The following SAMD8 variants were observed in gnomAD, a reference collection of about 807,000 sequenced individuals.
The protein encoded by SAMD8 is sphingomyelin synthase-related protein 1.
In SAMD8, 20 loss-of-function variants were observed where a neutral mutation model predicts 42.0. The observed-to-expected ratio is 0.48, with a 90% CI of 0.34 to 0.69. The LOEUF (loss-of-function observed/expected upper bound fraction) is 0.69. Among genes scored for constraint, SAMD8 ranks in the 30% least tolerant of loss-of-function variants. SAMD8 has a pLI of 0.01. For synonymous variants in SAMD8, 162 were observed against 173.0 expected (o/e 0.94, Z 0.50); for missense variants, 328 against 511.6 (o/e 0.64, Z 3.46).
At chr10:75,161,170 A>T (rs534299716) in intron 2 of SAMD8, among the ~76,000 whole-genome samples, 15 of 152,298 alleles carry the variant, frequency 9.8e-5, no homozygotes, top group African/African-American at 3.6e-4. Context: ...TGACTTAGGG[A>T]TACCGTGTCC....
intron 4 of SAMD8, among the ~76,000 whole-genome samples, chr10:75,173,707 C>T (rs1217723801): frequency 2.0e-5 from 3 of 152,138 alleles, no homozygotes; most frequent in Non-Finnish European, 4.4e-5. Context: ...AATTCTTCTT[C>T]CTTTCTTTCC....
At chr10:75,105,895 C>A (rs1417754761) in intron 1 of SAMD8, 1 of 1,540,668 alleles carries the variant, frequency 6.5e-7, no homozygotes, top group Non-Finnish European at 8.8e-7. Context: ...GGTGAAAAAC[C>A]CTGTCCCACA....
chr10:75,125,634 T>C (rs958976550), intron 1 of SAMD8: 1 of 151,826 alleles, frequency 6.6e-6, no homozygotes, highest in East Asian at 1.9e-4. Context: ...GAAAAAAAAA[T>C]AAAGTTCATT....
At position 75,150,559 on chromosome 10, in the gene SAMD8, C is replaced by T. The variant is rs770761922; in HGVS notation, c.31C>T (p.Arg11Cys). The change falls in exon 2 of 6, where the codon CGC becomes TGC. Residue 11 changes from arginine to cysteine, a missense_variant. Physicochemically the swap from Arg to Cys is radical, Grantham distance 180. Coordinates refer to ENST00000542569, the MANE Select transcript of SAMD8 (RefSeq NM_001174156.2). MAGPNQLCIRRWTTKHVAVWL... is the reference protein window; with the variant it reads MAGPNQLCIRCWTTKHVAVWL... ...AGGTCCTAATCAACTCTGCATTCGC[C>T]GCTGGACTACCAAGCATGTAGCTGT... The T allele has an allele frequency of 8.7e-6, 14 of 1,613,862 alleles. No homozygotes were observed. Among genetic ancestry groups the T allele is most frequent in the Middle Eastern group, 1.6e-4 (1 of 6,062 alleles).
upstream of SAMD8, among the ~76,000 whole-genome samples, chr10:75,107,687 C>G (rs1848599530): frequency 6.6e-6 from 1 of 152,170 alleles, no homozygotes; most frequent in Non-Finnish European, 1.5e-5. Context: ...AGCAATTCTC[C>G]TGCCTCAGCC....
chr10:75,142,398 A>G (rs1331085551), intron 1 of SAMD8, among the ~76,000 whole-genome samples: 1 of 152,112 alleles, frequency 6.6e-6, no homozygotes, highest in Non-Finnish European at 1.5e-5. Flanking sequence ...TGTTTTACAT[A>G]TGTTATAAAT....
chr10:75,147,572 C>A (rs182917005), intron 1 of SAMD8, among the ~76,000 whole-genome samples: 12 of 152,144 alleles, frequency 7.9e-5, no homozygotes, highest in Admixed American at 5.9e-4. Flanking sequence ...GTGATCCACC[C>A]GTCTCAGCCT....
intron 2 of SAMD8, among the ~76,000 whole-genome samples, chr10:75,159,780 G>T (rs1840514257): frequency 6.6e-6 from 1 of 152,170 alleles, no homozygotes. Context: ...ACAGGGCTTT[G>T]CTTGATGTCT....
intron 1 of SAMD8, among the ~76,000 whole-genome samples, chr10:75,101,517 C>T (rs917728308): frequency 5.3e-5 from 8 of 152,206 alleles, no homozygotes; most frequent in Non-Finnish European, 8.8e-5. Context: ...CAAGGATGTA[C>T]TATGTGCCAG....
chr10:75,140,296 G>C (rs1257371286), intron 1 of SAMD8, among the ~76,000 whole-genome samples: 1 of 152,142 alleles, frequency 6.6e-6, no homozygotes, highest in South Asian at 2.1e-4. Context: ...GTAGAGACAG[G>C]GTTTTGCCAT....
chr10:75,103,816 C>T (rs1197318478), intron 1 of SAMD8: 3 of 1,146,870 alleles, frequency 2.6e-6, no homozygotes, highest in African/African-American at 1.6e-5. Flanking sequence ...CTCTCCTCCC[C>T]TCCCCACTTT....
At chr10:75,113,817 G>A (rs1385153694) in intron 1 of SAMD8, among the ~76,000 whole-genome samples, 1 of 152,116 alleles carries the variant, frequency 6.6e-6, no homozygotes, top group Non-Finnish European at 1.5e-5. Flanking sequence ...TTTAGAGTGA[G>A]ATCCTCTGGA....
intron 1 of SAMD8, among the ~76,000 whole-genome samples, chr10:75,141,459 T>A (rs1189658096): frequency 6.6e-6 from 1 of 152,096 alleles, no homozygotes; most frequent in Non-Finnish European, 1.5e-5. Context: ...TGGTATAGTC[T>A]ATTGAATTTT....
At chr10:75,157,782 G>C (rs1564690919) in intron 2 of SAMD8, among the ~76,000 whole-genome samples, 1 of 152,114 alleles carries the variant, frequency 6.6e-6, no homozygotes, top group Non-Finnish European at 1.5e-5. Flanking sequence ...ATTTAAGCAG[G>C]GTTGAGTATT....
intron 2 of SAMD8, among the ~76,000 whole-genome samples, chr10:75,157,667 G>A (rs769459342): frequency 2.6e-5 from 4 of 152,144 alleles, no homozygotes; most frequent in Non-Finnish European, 4.4e-5. Context: ...TAATGCATTA[G>A]CAGCACTTAA....
chr10:75,166,525 T>C (rs141924859), intron 3 of SAMD8, among the ~76,000 whole-genome samples: 266 of 152,222 alleles, frequency 1.7e-3, no homozygotes, highest in African/African-American at 6.1e-3. Context: ...ACCACAGTGA[T>C]GAGCTTTAGG....
intron 1 of SAMD8, among the ~76,000 whole-genome samples, chr10:75,103,040 G>A (rs1243411588): frequency 1.3e-5 from 2 of 152,174 alleles, no homozygotes; most frequent in African/African-American, 4.8e-5. Context: ...CTGAGCCCAG[G>A]AAGTCAAGGC....
intron 1 of SAMD8, among the ~76,000 whole-genome samples, chr10:75,129,226 C>T (rs116139095): frequency 1.1e-3 from 163 of 151,516 alleles, no homozygotes; most frequent in African/African-American, 3.8e-3. Flanking sequence ...GCTCAAGTGA[C>T]TCTTTTGGAC....
At chr10:75,101,972 ATTTGAG>A in intron 1 of SAMD8, 1 of 1,366,578 alleles carries the variant, frequency 7.3e-7, no homozygotes, top group South Asian at 1.1e-5. Context: ...CTATTTTTTG[ATTTGAG>A]TTTAATTATA....
Sources: allele counts gnomAD v4.1 joint callset (sites outside exome capture counted in the v4.1 genomes callset), GRCh38; gene constraint gnomAD v4.1.1; transcripts MANE v1.5; gene names NCBI Gene and HGNC (gene_info 2026-07-23, HGNC 2026-07-21).